The following ZFC3H1 variants were observed in gnomAD, a reference collection of about 807,000 sequenced individuals.
ZFC3H1 encodes zinc finger C3H1-type containing, also known as zinc finger C3H1 domain-containing protein.
Under a neutral mutation model 243.7 loss-of-function variants are expected in ZFC3H1, and 71 were observed. The ratio of observed to expected loss-of-function variants is 0.29; its 90% CI spans 0.24 to 0.36. The LOEUF (loss-of-function observed/expected upper bound fraction) is 0.36, where lower values mean the gene tolerates loss of function less well. Ranked by LOEUF, ZFC3H1 falls within the 10% of genes least tolerant of loss-of-function variation. ZFC3H1 has a pLI of 1.00. For synonymous variants in ZFC3H1, 838 were observed against 813.0 expected, an observed-to-expected ratio of 1.03 and a Z score of -0.52; for missense variants, 1,966 against 2,317.1, an observed-to-expected ratio of 0.85 and a Z score of 3.11.
In ZFC3H1 at chr12:71,637,049, G is replaced by A; in HGVS notation, c.1736C>T (p.Pro579Leu). 6.2e-7 allele frequency: 1 copy of A among 1,606,002 alleles called. No individual in the cohort carries two copies. Among genetic ancestry groups the A allele is most frequent in the Non-Finnish European group, 8.5e-7 (1 of 1,177,818 alleles). Residue 579 changes from proline to leucine, a missense_variant, in exon 8 of 35, where the codon CCT becomes CTT. Physicochemically the swap from Pro to Leu is moderately conservative, Grantham distance 98. Around this residue, in one of 4 missense-constraint regions of ZFC3H1, gnomAD observed 1,383 missense variants for 1,723.7 expected, o/e 0.80. Transcript: ENST00000378743. ...GCCTTCCACATAAGGCTGGCTCAAA[G>A]GTGGCAGAGACTATTTTTTAAAAAA... ...PPPPQVSSLPPLSQPYVEGLC... is the reference protein window; with the variant it reads ...PPPPQVSSLPLLSQPYVEGLC...
At chr12:71,647,674 C>T in intron 3 of ZFC3H1, 75 bp downstream of exon 3, 1 of 793,624 alleles carries the variant, frequency 1.3e-6, no homozygotes, top group Non-Finnish European at 2.0e-6. Context: ...ATAGACTTCC[C>T]TTACAAAAGA....
intron 16 of ZFC3H1, among the ~76,000 whole-genome samples, chr12:71,631,528 C>G (rs1330091306): frequency 6.6e-6 from 1 of 151,860 alleles, no homozygotes; most frequent in Non-Finnish European, 1.5e-5. Context: ...TCCTAACAAA[C>G]AGAAATCCAA....
chr12:71,615,177 G>T, intron 28 of ZFC3H1, 29 bp downstream of exon 28: 1 of 1,506,446 alleles, frequency 6.6e-7, no homozygotes, highest in Admixed American at 1.8e-5. Context: ...GGCCTAGTAT[G>T]CAATATCTCT....
Position 71,656,970 on chromosome 12 carries a change from T to G in ZFC3H1, c.930A>C (p.Leu310Phe). The change falls in exon 2 of 35, where the codon TTA (leucine) becomes TTC (phenylalanine). Residue 310 changes from leucine to phenylalanine, a missense_variant. Physicochemically the swap from Leu to Phe is conservative, Grantham distance 22. This residue lies in a region of ZFC3H1 where 484 missense variants were observed against 449.7 expected (regional missense o/e 1.08). Coordinates refer to ENST00000378743, the MANE Select transcript of ZFC3H1 (RefSeq NM_144982.5). ...TTTTCAAACGGTTCTTATCTCCTGG[T>G]AAAGTCAATTTTTGCCTGAGTGGTT... is the stretch of plus-strand genomic sequence containing the variant. ...ELKPLRQKLT[L>F]PGDKNRLKKV... is the part of the protein sequence containing the mutation. The G allele has an allele frequency of 6.2e-7, 1 of 1,613,968 alleles. No individual in the cohort carries two copies. Among genetic ancestry groups the G allele is most frequent in the Non-Finnish European group, 8.5e-7 (1 of 1,179,922 alleles).
Position 71,636,952 on chromosome 12 carries a change from C to T in ZFC3H1, c.1833G>A (p.Gln611=), listed in dbSNP as rs746522861. 1 of 1,614,010 alleles carries T rather than the reference C, an allele frequency of 6.2e-7. No homozygotes were observed. The highest frequency in any genetic ancestry group is 1.7e-5 in the Admixed American group (1 of 60,004). Residue 611 remains glutamine (Q), a synonymous_variant, in exon 8 of 35, where the codon CAG becomes CAA. Transcript: ENST00000378743. ...LPPLPPEDPE[Q]PPKPPFADEE... is the part of the protein sequence containing the mutation. Reference sequence around the variant, plus strand: ...CATCTGCAAAAGGTGGTTTTGGAGGCTGTTCTGGATCTTCAGGTGGGAGAG... The same window carrying T: ...CATCTGCAAAAGGTGGTTTTGGAGGTTGTTCTGGATCTTCAGGTGGGAGAG...
chr12:71,612,927 G>A (rs1879807396), intron 31 of ZFC3H1, among the ~76,000 whole-genome samples: 1 of 152,162 alleles, frequency 6.6e-6, no homozygotes, highest in South Asian at 2.1e-4. Context: ...CATTTTAAAT[G>A]AGCATCCCAG....
At chr12:71,643,973 C>G in intron 5 of ZFC3H1, 122 bp downstream of exon 5, 1 of 846,058 alleles carries the variant, frequency 1.2e-6, no homozygotes, top group East Asian at 2.7e-5. Context: ...CAATTATAAC[C>G]TACCTTCCTT....
At chr12:71,613,761 A>T in intron 30 of ZFC3H1, 1 of 179,476 alleles carries the variant, frequency 5.6e-6, no homozygotes. Flanking sequence ...CATCTTGCTC[A>T]TGGAATGCCC....
chr12:71,630,384 C>T (rs1880292489), intron 18 of ZFC3H1, among the ~76,000 whole-genome samples: 1 of 152,134 alleles, frequency 6.6e-6, no homozygotes, highest in South Asian at 2.1e-4. Context: ...CATGCACTTG[C>T]CACATGTGGC....
intron 9 of ZFC3H1, 98 bp from the exon 10 acceptor site, chr12:71,635,678 G>A: frequency 8.2e-7 from 1 of 1,215,446 alleles, no homozygotes; most frequent in Non-Finnish European, 1.1e-6. Flanking sequence ...CAAGTAGACA[G>A]TCTATGGCTC....
Position 71,614,656 on chromosome 12 carries a change from T to C in ZFC3H1, c.5405A>G (p.Lys1802Arg), listed in dbSNP as rs778835773. 4.3e-6 allele frequency: 7 copies of C among 1,612,622 alleles called. No homozygotes were observed. The East Asian group carries it at 1.6e-4, about 36-fold the overall frequency. ...AGTAAAAAATTTGAATTCTTGAACT[T>C]TGTTTCTGGATCCAGCAGCTCTATT... Reference protein sequence around the residue: ...ANNRAAGSRNKVQEFKFFTDL... With the variant: ...ANNRAAGSRNRVQEFKFFTDL... Residue 1802 changes from lysine (K) to arginine (R), a missense_variant, in exon 30 of 35, where the codon AAA (lysine) becomes AGA (arginine). By Grantham distance (26) the Lys-to-Arg change is conservative. Around this residue, in one of 4 missense-constraint regions of ZFC3H1, gnomAD observed 1,383 missense variants for 1,723.7 expected, o/e 0.80. Coordinates refer to ENST00000378743, the MANE Select transcript of ZFC3H1 (RefSeq NM_144982.5).
chr12:71,659,945 T>C (rs1881122020), intron 1 of ZFC3H1, among the ~76,000 whole-genome samples: 1 of 152,210 alleles, frequency 6.6e-6, no homozygotes, highest in Admixed American at 6.5e-5. Context: ...CATGCTAAGA[T>C]GTACTGACAA....
Position 71,643,200 on chromosome 12 carries a change from C to T in ZFC3H1, c.1504-641G>A, listed in dbSNP as rs564164525. Among the ~76,000 whole-genome samples the T allele has an allele frequency of 4.1e-4, 62 of 152,060 alleles. 1 individual carries two copies. In the South Asian group the frequency reaches 6.4e-3, roughly 16 times the overall value. On this transcript the variant is annotated intron_variant, in intron 5 of 34. Transcript: ENST00000378743. ...GGCCTGGCGCGGTGGCTCATGCGGT[C>T]GGGAGTTCAAGACCAGCCTGGCCAA...
intron 19 of ZFC3H1, among the ~76,000 whole-genome samples, chr12:71,629,324 AC>A (rs1185433204): frequency 1.3e-5 from 2 of 151,224 alleles, no homozygotes; most frequent in Non-Finnish European, 3.0e-5. Context: ...CGCCACCACC[AC>A]CCGGCTAATT....
chr12:71,638,149 A>C (rs1880511234), intron 7 of ZFC3H1, among the ~76,000 whole-genome samples: 1 of 152,142 alleles, frequency 6.6e-6, no homozygotes, highest in African/African-American at 2.4e-5. Context: ...AAATTTTCTG[A>C]GTAGCTACTA....
At chr12:71,633,511 AAAGT>A (rs1228872872) in intron 12 of ZFC3H1, 73 bp from the exon 13 acceptor site, 2 of 1,280,352 alleles carry the variant, frequency 1.6e-6, no homozygotes, top group Non-Finnish European at 2.1e-6. Flanking sequence ...AAAAATTTTC[AAAGT>A]AATAACACAA....
At chr12:71,617,987 G>C (rs975377664) in intron 27 of ZFC3H1, among the ~76,000 whole-genome samples, 1 of 152,102 alleles carries the variant, frequency 6.6e-6, no homozygotes, top group Admixed American at 6.6e-5. Context: ...AGGGTGGACC[G>C]GGCGCAGTGG....
chr12:71,638,294 G>A, intron 7 of ZFC3H1, 124 bp downstream of exon 7: 2 of 889,510 alleles, frequency 2.2e-6, no homozygotes, highest in East Asian at 5.5e-5. Flanking sequence ...GTATTTCATT[G>A]CTATTAATTC....
At chr12:71,621,648 C>T (rs1204390152) in intron 24 of ZFC3H1, among the ~76,000 whole-genome samples, 3 of 152,094 alleles carry the variant, frequency 2.0e-5, no homozygotes, top group South Asian at 4.1e-4. Flanking sequence ...ATCATTTCCA[C>T]TTGAATGACC....
Sources: allele counts gnomAD v4.1 joint callset (sites outside exome capture counted in the v4.1 genomes callset), GRCh38; gene constraint gnomAD v4.1.1; regional missense constraint gnomAD v4.1.1; transcripts MANE v1.5; gene names NCBI Gene and HGNC (gene_info 2026-07-23, HGNC 2026-07-21).